Variants in ZFR observed in about 807,000 individuals in gnomAD.
ZFR encodes the protein zinc finger RNA-binding protein.
In ZFR, 19 loss-of-function variants were observed where a neutral mutation model predicts 130.7. That is an observed-to-expected ratio of 0.15 (90% CI 0.10 to 0.21). The LOEUF is 0.21. Among genes scored for constraint, ZFR ranks in the 10% least tolerant of loss-of-function variants. The probability of loss-of-function intolerance (pLI) is 1.00; values close to 1 mark genes in which losing one functional copy is unlikely to be tolerated. For synonymous variants in ZFR, 466 were observed against 456.9 expected, an observed-to-expected ratio of 1.02 and a Z score of -0.25; for missense variants, 872 against 1,321.5, an observed-to-expected ratio of 0.66 and a Z score of 5.27.
chr5:32,355,992 ATACT>A (rs1440993330), intron 19 of ZFR, 53 bp from the exon 20 acceptor site: 5 of 1,456,834 alleles, frequency 3.4e-6, no homozygotes, highest in Middle Eastern at 1.8e-4. Flanking sequence ...CCAAGTAGTA[ATACT>A]TACTACATTT....
Position 32,417,689 on chromosome 5 carries a change from G to A in ZFR, c.524C>T (p.Ala175Val). The A allele has an allele frequency of 6.2e-7, 1 of 1,613,898 alleles. No individual in the cohort carries two copies. Among genetic ancestry groups the A allele is most frequent in the Non-Finnish European group, 8.5e-7 (1 of 1,179,874 alleles). Reference protein sequence around the residue: ...TATAAAVAAAAQPQPSVAETY... With the variant: ...TATAAAVAAAVQPQPSVAETY... ...TTCAGCAACAGAAGGCTGAGGTTGG[G>A]CAGCGGCAGCTACAGCAGCAGCAGT... is the stretch of plus-strand genomic sequence containing the variant. Residue 175 changes from alanine (A) to valine (V), a missense_variant, in exon 4 of 20, where the codon GCC (alanine) becomes GTC (valine). This residue lies in a region of ZFR where 240 missense variants were observed against 441.2 expected (regional missense o/e 0.54). Transcript: ENST00000265069.
At chr5:32,416,984 A>C in intron 4 of ZFR, among the ~76,000 whole-genome samples, 1 of 151,304 alleles carries the variant, frequency 6.6e-6, no homozygotes, top group South Asian at 2.1e-4. Context: ...ACATATGTAT[A>C]CATGTGTCAT....
chr5:32,402,368 G>T (rs556692941), intron 8 of ZFR, among the ~76,000 whole-genome samples: 1 of 152,166 alleles, frequency 6.6e-6, no homozygotes, highest in Non-Finnish European at 1.5e-5. Context: ...ACTGGCCACT[G>T]GATTGGCAAT....
intron 19 of ZFR, among the ~76,000 whole-genome samples, chr5:32,356,334 G>A (rs1420136690): frequency 6.6e-6 from 1 of 152,164 alleles, no homozygotes; most frequent in Non-Finnish European, 1.5e-5. Context: ...CTTAAGAACT[G>A]TAATTATACT....
At chr5:32,424,475 G>A (rs943557988) in intron 2 of ZFR, among the ~76,000 whole-genome samples, 10 of 151,248 alleles carry the variant, frequency 6.6e-5, no homozygotes, top group African/African-American at 2.4e-4. Flanking sequence ...AGCTTGCAGT[G>A]AGCCGAGATC....
At chr5:32,387,495 CA>C in intron 14 of ZFR, 53 bp downstream of exon 14, 2 of 1,591,110 alleles carry the variant, frequency 1.3e-6, no homozygotes, top group Non-Finnish European at 8.5e-7. Flanking sequence ...TCAGTCCCGC[CA>C]AAAACTTCTG....
chr5:32,401,779 T>A (rs1372505218), intron 8 of ZFR, among the ~76,000 whole-genome samples: 1 of 151,952 alleles, frequency 6.6e-6, no homozygotes, highest in East Asian at 1.9e-4. Flanking sequence ...TTGGGTACAG[T>A]AAGAAATAAA....
intron 12 of ZFR, among the ~76,000 whole-genome samples, chr5:32,389,463 C>T (rs1753113065): frequency 6.6e-6 from 1 of 152,174 alleles, no homozygotes; most frequent in Admixed American, 6.5e-5. Flanking sequence ...GGATTATAGG[C>T]ATGAGCCACT....
At chr5:32,382,567 T>C (rs199953668) in intron 15 of ZFR, among the ~76,000 whole-genome samples, 3 of 152,196 alleles carry the variant, frequency 2.0e-5, no homozygotes, top group East Asian at 1.9e-4. Flanking sequence ...ACTTTGGAAA[T>C]TGTAATTCAT....
At chr5:32,444,098 T>C (rs1428849090) in intron 2 of ZFR, 131 bp downstream of exon 2, 3 of 898,472 alleles carry the variant, frequency 3.3e-6, no homozygotes, top group Admixed American at 4.7e-5. Context: ...GCCGCCGGGC[T>C]GGGCCGGGCC....
At chr5:32,434,893 T>C (rs1417286920) in intron 2 of ZFR, among the ~76,000 whole-genome samples, 3 of 152,120 alleles carry the variant, frequency 2.0e-5, no homozygotes, top group Admixed American at 6.6e-5. Flanking sequence ...CATAAATTAA[T>C]TAAAATGAAG....
intron 9 of ZFR, among the ~76,000 whole-genome samples, chr5:32,398,756 G>A (rs1388991011): frequency 1.3e-5 from 2 of 150,736 alleles, no homozygotes; most frequent in Middle Eastern, 3.4e-3. Flanking sequence ...GTGTGATCTC[G>A]GCTCACTGCA....
At chr5:32,421,464 G>A (rs1244031025) in intron 2 of ZFR, among the ~76,000 whole-genome samples, 1 of 152,164 alleles carries the variant, frequency 6.6e-6, no homozygotes, top group African/African-American at 2.4e-5. Context: ...AACTGTATTA[G>A]GGAAAACACT....
chr5:32,414,914 T>G, intron 5 of ZFR, 55 bp downstream of exon 5: 1 of 1,480,268 alleles, frequency 6.8e-7, no homozygotes, highest in Non-Finnish European at 9.3e-7. Context: ...AGATAGTTTC[T>G]ACTAAGTCTC....
intron 11 of ZFR, among the ~76,000 whole-genome samples, 167 bp downstream of exon 11, chr5:32,394,992 T>C (rs1463128760): frequency 6.6e-6 from 1 of 152,178 alleles, no homozygotes; most frequent in Non-Finnish European, 1.5e-5. Context: ...GTATAGCCAG[T>C]AACAATTTTA....
intron 8 of ZFR, 86 bp downstream of exon 8, chr5:32,403,020 G>T (rs988954823): frequency 2.9e-6 from 4 of 1,388,086 alleles, no homozygotes; most frequent in Non-Finnish European, 4.0e-6. Context: ...GCAGGTCCAA[G>T]AACACAGGGA....
chr5:32,359,422 T>A (rs1389809305), intron 19 of ZFR, among the ~76,000 whole-genome samples: 1 of 152,178 alleles, frequency 6.6e-6, no homozygotes, highest in Non-Finnish European at 1.5e-5. Context: ...TGGATACCCC[T>A]GCCCTAAAGC....
intron 11 of ZFR, among the ~76,000 whole-genome samples, chr5:32,391,905 C>G (rs754923877): frequency 2.6e-5 from 4 of 151,920 alleles, no homozygotes; most frequent in African/African-American, 9.7e-5. Flanking sequence ...AGCTAATTTT[C>G]GTATTTTTTG....
rs115479488 is a variant in ZFR, at chr5:32,398,970, C to G, written c.1713+1037G>C. ...CTTGATAGGAAAAATGATGCAAGAA[C>G]AAATATTTATTTAAAACCTACTAGG... On this transcript the variant is annotated intron_variant, in intron 9 of 19. Coordinates refer to ENST00000265069, the MANE Select transcript of ZFR (RefSeq NM_016107.5). Among the ~76,000 whole-genome samples, 722 of 151,426 alleles carry G rather than the reference C, an allele frequency of 4.8e-3. 5 individuals are homozygous for G. The highest frequency in any genetic ancestry group is 0.02 in the Middle Eastern group (6 of 294).
Sources: allele counts gnomAD v4.1 joint callset (sites outside exome capture counted in the v4.1 genomes callset), GRCh38; gene constraint gnomAD v4.1.1; regional missense constraint gnomAD v4.1.1; transcripts MANE v1.5; gene names NCBI Gene and HGNC (gene_info 2026-07-23, HGNC 2026-07-21).